The following CAMK2B variants were observed in gnomAD, a reference collection of about 807,000 sequenced individuals.
CAMK2B encodes calcium/calmodulin-dependent protein kinase type II subunit beta.
CAMK2B carries 27 observed loss-of-function variants against 93.7 expected under a neutral mutation model. That is an observed-to-expected ratio of 0.29 (90% CI 0.21 to 0.40). The LOEUF is 0.40. Ranked by LOEUF, CAMK2B falls within the 10% of genes least tolerant of loss-of-function variation. CAMK2B has a pLI of 1.00. For synonymous variants in CAMK2B, 374 were observed against 358.8 expected (o/e 1.04, Z -0.48); for missense variants, 568 against 895.8 (o/e 0.63, Z 4.67).
intron 1 of CAMK2B, among the ~76,000 whole-genome samples, chr7:44,317,143 A>T (rs1053265792): frequency 6.6e-6 from 1 of 152,072 alleles, no homozygotes; most frequent in Non-Finnish European, 1.5e-5. Context: ...AGGCAACCAG[A>T]CTTGCTGAAT....
At chr7:44,278,884 A>G (rs929361825) in intron 2 of CAMK2B, among the ~76,000 whole-genome samples, 1 of 152,198 alleles carries the variant, frequency 6.6e-6, no homozygotes, top group South Asian at 2.1e-4. Flanking sequence ...CTCCCTCATC[A>G]AGAGTTCTGA....
chr7:44,308,693 C>G (rs1256190585), intron 1 of CAMK2B, among the ~76,000 whole-genome samples: 1 of 152,180 alleles, frequency 6.6e-6, no homozygotes, highest in South Asian at 2.1e-4. Context: ...CCCCCCATAT[C>G]CCACCTTGTC....
chr7:44,266,634 C>T (rs578013089), intron 2 of CAMK2B, among the ~76,000 whole-genome samples: 7 of 152,306 alleles, frequency 4.6e-5, no homozygotes, highest in Non-Finnish European at 8.8e-5. Flanking sequence ...GAGCAGGTCC[C>T]GAGGCCAGCA....
intron 13 of CAMK2B, among the ~76,000 whole-genome samples, chr7:44,237,186 G>A (rs557586030): frequency 1.3e-5 from 2 of 152,374 alleles, no homozygotes; most frequent in Admixed American, 6.5e-5. Flanking sequence ...ATTCTCACAG[G>A]AAAGGAGGCA....
chr7:44,221,495 C>A (rs941107275), intron 20 of CAMK2B, among the ~76,000 whole-genome samples: 1 of 149,850 alleles, frequency 6.7e-6, no homozygotes, highest in Non-Finnish European at 1.5e-5. Flanking sequence ...GGGGCGGCCA[C>A]GTGCGGCGCA....
chr7:44,260,184 C>T (rs1320839756), intron 3 of CAMK2B, among the ~76,000 whole-genome samples: 2 of 147,436 alleles, frequency 1.4e-5, no homozygotes, highest in Non-Finnish European at 3.0e-5. Context: ...TCGCAGGTCC[C>T]TGGGCCTCAG....
intron 1 of CAMK2B, among the ~76,000 whole-genome samples, chr7:44,297,259 T>G (rs1788562246): frequency 6.6e-6 from 1 of 151,762 alleles, no homozygotes; most frequent in Non-Finnish European, 1.5e-5. Context: ...TATATAGGTA[T>G]ATGGCAAACT....
chr7:44,282,779 C>G (rs1320729846), intron 2 of CAMK2B, among the ~76,000 whole-genome samples: 2 of 152,246 alleles, frequency 1.3e-5, no homozygotes, highest in African/African-American at 4.8e-5. Context: ...CTGCAGGCCA[C>G]AGACAGTAGG....
At chr7:44,274,762 G>T (rs1296634574) in intron 2 of CAMK2B, among the ~76,000 whole-genome samples, 1 of 152,248 alleles carries the variant, frequency 6.6e-6, no homozygotes, top group Non-Finnish European at 1.5e-5. Flanking sequence ...GGAAGGACCA[G>T]GGGAGGGGGC....
intron 16 of CAMK2B, 133 bp downstream of exon 16, chr7:44,232,689 C>T: frequency 1.2e-6 from 1 of 824,174 alleles, no homozygotes; most frequent in African/African-American, 2.0e-5. Flanking sequence ...TGGGGCCCTA[C>T]CGTACTGCGG....
At position 44,286,547 on chromosome 7, in the gene CAMK2B, G is replaced by A. The variant is rs1360698321; in HGVS notation, c.66-2322C>T. Reference sequence around the variant, plus strand: ...TGCTGGCCAGACTCAGACAGGTACCGGAGCAGAGGGCGGCAAGCCACAGCT... The same window carrying A: ...TGCTGGCCAGACTCAGACAGGTACCAGAGCAGAGGGCGGCAAGCCACAGCT... On this transcript the variant is annotated intron_variant, in intron 1 of 23. Coordinates refer to ENST00000395749, the MANE Select transcript of CAMK2B (RefSeq NM_001220.5). This position sits in a 1 kb window ranked among gnomAD's most constrained non-coding sequence, Gnocchi z 4.0. Among the ~76,000 whole-genome samples, 2 of 152,204 alleles carry A rather than the reference G, an allele frequency of 1.3e-5. No individual in the cohort carries two copies. Among genetic ancestry groups the A allele is most frequent in the Non-Finnish European group, 1.5e-5 (1 of 68,034 alleles).
chr7:44,322,742 G>A (rs956507163), intron 1 of CAMK2B, among the ~76,000 whole-genome samples: 4 of 152,252 alleles, frequency 2.6e-5, no homozygotes, highest in African/African-American at 9.6e-5. Flanking sequence ...CTCTGGGGAA[G>A]ATTCGGGAGC....
At position 44,286,100 on chromosome 7, in the gene CAMK2B, G is replaced by A. The variant is rs1287937458; in HGVS notation, c.66-1875C>T. Among the ~76,000 whole-genome samples the A allele has an allele frequency of 4.6e-5, 7 of 152,114 alleles. No homozygotes were observed. Among genetic ancestry groups the A allele is most frequent in the African/African-American group, 1.7e-4 (7 of 41,412 alleles). ...GTCTGGCTTCAATCCTGGTTAGACGGGGTGACACAGCTCTCTGAGCCTCAG... is the reference window on the plus strand; with the variant it reads ...GTCTGGCTTCAATCCTGGTTAGACGAGGTGACACAGCTCTCTGAGCCTCAG... On this transcript the variant is annotated intron_variant, in intron 1 of 23. Coordinates refer to ENST00000395749, the MANE Select transcript of CAMK2B (RefSeq NM_001220.5). The surrounding 1 kb of genome is among the most constrained non-coding windows in gnomAD (Gnocchi z 4.0).
At chr7:44,247,060 T>C in intron 6 of CAMK2B, 60 bp downstream of exon 6, 1 of 1,402,578 alleles carries the variant, frequency 7.1e-7, no homozygotes, top group Non-Finnish European at 1.0e-6. Context: ...CACACTTCCT[T>C]GTACACAGCA....
rs2096972098 is a variant in CAMK2B at position 44,271,288 on chromosome 7, T to C, written c.161-8224A>G. Among the ~76,000 whole-genome samples the C allele has an allele frequency of 6.6e-6, 1 of 152,180 alleles. No homozygotes were observed. Reference sequence around the variant, plus strand: ...CAGGCACACTCTGCACCCTGCCTGGTACCAACACACTTAACTCAAGCGTCC... The same window carrying C: ...CAGGCACACTCTGCACCCTGCCTGGCACCAACACACTTAACTCAAGCGTCC... On this transcript the variant is annotated intron_variant, in intron 2 of 23. Coordinates refer to ENST00000395749, the MANE Select transcript of CAMK2B (RefSeq NM_001220.5). The surrounding 1 kb of genome is among the most constrained non-coding windows in gnomAD (Gnocchi z 4.2).
rs1584904827 is a variant in CAMK2B at position 44,312,911 on chromosome 7, G to A, written c.65+12446C>T. 6.6e-6 allele frequency among the ~76,000 whole-genome samples: 1 copy of A among 152,146 alleles called. No homozygotes were observed. Among genetic ancestry groups the A allele is most frequent in the Admixed American group, 6.5e-5 (1 of 15,284 alleles). ...AGGGGTGTTCTCCGTCAGTCCCTGG[G>A]GCTGTTATGATGAAAGGATGGGGAT... On this transcript the variant is annotated intron_variant, in intron 1 of 23. Transcript: ENST00000395749. The surrounding 1 kb of genome is among the most constrained non-coding windows in gnomAD (Gnocchi z 4.1).
At chr7:44,299,668 C>T (rs1387244924) in intron 1 of CAMK2B, among the ~76,000 whole-genome samples, 2 of 152,068 alleles carry the variant, frequency 1.3e-5, no homozygotes, top group African/African-American at 2.4e-5. Flanking sequence ...CAATAATTTG[C>T]AATTGACCAT....
intron 5 of CAMK2B, among the ~76,000 whole-genome samples, chr7:44,250,467 C>T (rs1023293721): frequency 1.3e-5 from 2 of 152,110 alleles, no homozygotes; most frequent in South Asian, 2.1e-4. Context: ...ATGTCCTCCC[C>T]CTCCGCAGAC....
intron 1 of CAMK2B, among the ~76,000 whole-genome samples, chr7:44,304,793 T>C (rs1447247544): frequency 6.6e-6 from 1 of 152,128 alleles, no homozygotes; most frequent in Non-Finnish European, 1.5e-5. Context: ...TTGTAACAAA[T>C]ATGCCAAACT....
Sources: gnomAD v4.1 joint callset for allele counts (sites outside exome capture counted in the v4.1 genomes callset) on GRCh38, gnomAD v4.1.1 for gene constraint, Gnocchi (gnomAD v3.1) non-coding constraint, MANE v1.5 for transcripts, NCBI Gene and HGNC (gene_info 2026-07-23, HGNC 2026-07-21) for gene names.